ANK2: variants seen among roughly 807,000 people sequenced by gnomAD.
ANK2 encodes the protein ankyrin-2.
ANK2 carries 83 observed loss-of-function variants against 360.5 expected under a neutral mutation model. The observed-to-expected ratio is 0.23, with a 90% CI of 0.19 to 0.28. The LOEUF (loss-of-function observed/expected upper bound fraction) is 0.28. ANK2 is among the 10% of genes least tolerant of loss of function. ANK2 has a pLI of 1.00. For missense variants in ANK2, 4,201 were observed against 4,795.7 expected (o/e 0.88, Z 3.66); for synonymous variants, 1,740 against 1,759.5 (o/e 0.99, Z 0.28).
At chr4:113,307,252 A>G (rs2077622100) in intron 23 of ANK2, among the ~76,000 whole-genome samples, 1 of 152,130 alleles carries the variant, frequency 6.6e-6, no homozygotes, top group African/African-American at 2.4e-5. Context: ...TTCTGTTGTG[A>G]ACACTTAACA....
chr4:113,284,394 A>T (rs2153720261), intron 18 of ANK2, among the ~76,000 whole-genome samples: 1 of 152,344 alleles, frequency 6.6e-6, no homozygotes, highest in Non-Finnish European at 1.5e-5. Flanking sequence ...TCCATAAACA[A>T]TTCAGCAGTA....
the ANK2 span, among the ~76,000 whole-genome samples, chr4:112,803,455 A>G: frequency 6.6e-6 from 1 of 152,020 alleles, no homozygotes; most frequent in South Asian, 2.1e-4. Context: ...GTGATTTGAA[A>G]ATGGAAGCCT....
the ANK2 span, among the ~76,000 whole-genome samples, chr4:112,764,091 C>G: frequency 9.9e-5 from 15 of 151,884 alleles, no homozygotes; most frequent in African/African-American, 3.6e-4. Context: ...TGCAGGGGCC[C>G]GCCACCATGC....
chr4:113,151,546 T>C (rs900580170), intron 1 of ANK2, among the ~76,000 whole-genome samples: 3 of 152,158 alleles, frequency 2.0e-5, no homozygotes, highest in Non-Finnish European at 4.4e-5. Context: ...AAGCCATTCA[T>C]GAGGGTCCAC....
chr4:113,168,564 T>G (rs1213797505), intron 1 of ANK2, among the ~76,000 whole-genome samples: 1 of 152,194 alleles, frequency 6.6e-6, no homozygotes, highest in Non-Finnish European at 1.5e-5. Context: ...ACCATATATG[T>G]AGGTTAACCT....
chr4:112,999,030 A>G (rs962790979), intron 2 of ANK2, among the ~76,000 whole-genome samples: 1 of 152,220 alleles, frequency 6.6e-6, no homozygotes, highest in African/African-American at 2.4e-5. Flanking sequence ...ATACTTGTAT[A>G]TGGATAATGT....
intron 15 of ANK2, among the ~76,000 whole-genome samples, chr4:113,276,711 C>T (rs547728290): frequency 6.6e-6 from 1 of 152,038 alleles, no homozygotes; most frequent in Non-Finnish European, 1.5e-5. Flanking sequence ...TTATTAATAC[C>T]AAATGTTCAA....
the ANK2 span, among the ~76,000 whole-genome samples, chr4:112,713,611 GT>G: frequency 6.6e-6 from 1 of 152,058 alleles, no homozygotes; most frequent in African/African-American, 2.4e-5. Context: ...TGTGAAGCAT[GT>G]TTTTATTTCT....
Position 113,166,078 on chromosome 4 carries a change from T to C in ANK2, c.85-8338T>C, listed in dbSNP as rs78736141. Among the ~76,000 whole-genome samples, 302 of 152,266 alleles carry C rather than the reference T, an allele frequency of 2.0e-3. 3 individuals are homozygous for C. Among genetic ancestry groups the C allele is most frequent in the Middle Eastern group, 6.8e-3 (2 of 294 alleles). On this transcript the variant is annotated intron_variant, in intron 1 of 45. Transcript: ENST00000357077. ...GTAGGCATTTCAGAGTTATCATGCC[T>C]GGAGTACAAGTAATCAAAACCTATT...
intron 4 of ANK2, among the ~76,000 whole-genome samples, chr4:113,216,245 T>C (rs1194310697): frequency 6.6e-6 from 1 of 152,244 alleles, no homozygotes; most frequent in Non-Finnish European, 1.5e-5. Context: ...CCTGATTTTA[T>C]AGTCAAGAAC....
intron 1 of ANK2, among the ~76,000 whole-genome samples, chr4:113,122,439 T>C (rs1192651133): frequency 2.0e-5 from 3 of 152,198 alleles, no homozygotes; most frequent in Non-Finnish European, 2.9e-5. Flanking sequence ...CACTGTATAA[T>C]GTGTTACATT....
At chr4:112,851,342 G>A (rs982114677) in intron 1 of ANK2, among the ~76,000 whole-genome samples, 2 of 152,176 alleles carry the variant, frequency 1.3e-5, no homozygotes, top group East Asian at 1.9e-4. Context: ...TCAACCTCAC[G>A]TGGGGAGGGG....
intron 1 of ANK2, among the ~76,000 whole-genome samples, chr4:112,894,677 G>C (rs78029281): frequency 0.028 from 4,233 of 152,162 alleles, 187 homozygotes; most frequent in African/African-American, 0.093. Flanking sequence ...TTTTTATTGG[G>C]AGCATGGTGT....
intron 2 of ANK2, among the ~76,000 whole-genome samples, chr4:112,945,142 G>A (rs1364726107): frequency 6.6e-6 from 1 of 152,162 alleles, no homozygotes. Context: ...ATTTGAGGCA[G>A]AGCTTCCACC....
rs1400981019 is a variant in ANK2 at position 113,345,177 on chromosome 4, G to A, written c.4249-723G>A. 2.0e-5 allele frequency among the ~76,000 whole-genome samples: 3 copies of A among 152,140 alleles called. 1 individual carries two copies. The highest frequency in any genetic ancestry group is 4.8e-5 in the African/African-American group (2 of 41,430). On this transcript the variant is annotated intron_variant, in intron 34 of 45. Transcript: ENST00000357077. ...ATGAACTTGGAAAACATTACGCTGAGTAAAATAAGCCAGACACAAATACTA... is the reference window on the plus strand; with the variant it reads ...ATGAACTTGGAAAACATTACGCTGAATAAAATAAGCCAGACACAAATACTA...
intron 29 of ANK2, among the ~76,000 whole-genome samples, chr4:113,335,520 C>T (rs941209342): frequency 9.2e-5 from 14 of 152,256 alleles, no homozygotes; most frequent in African/African-American, 3.4e-4. Context: ...CATTTCATTC[C>T]ATATTTGCCC....
At chr4:113,019,330 T>C (rs1397456649) in intron 2 of ANK2, among the ~76,000 whole-genome samples, 2 of 152,240 alleles carry the variant, frequency 1.3e-5, no homozygotes, top group Non-Finnish European at 2.9e-5. Flanking sequence ...TTTTTTGTAC[T>C]TAAAGTTTGC....
At position 113,358,525 on chromosome 4, in the gene ANK2, A is replaced by G; in HGVS notation, c.9907A>G (p.Lys3303Glu). 1 of 1,614,114 alleles carries G rather than the reference A, an allele frequency of 6.2e-7. No individual in the cohort carries two copies. Among genetic ancestry groups the G allele is most frequent in the Non-Finnish European group, 8.5e-7 (1 of 1,179,968 alleles). The change falls in exon 38 of 46, where the codon AAA (lysine) becomes GAA (glutamate). Residue 3303 changes from lysine (K) to glutamate (E), a missense_variant. Transcript: ENST00000357077. ...TGTGCCTTTTACTGAAAGCAAATCCAAAATTCCTGTAAGGACTATGCCCAC... is the reference window on the plus strand; with the variant it reads ...TGTGCCTTTTACTGAAAGCAAATCCGAAATTCCTGTAAGGACTATGCCCAC... ...ENVPFTESKS[K>E]IPVRTMPTST...
At chr4:113,048,248 G>GTGTGTATA (rs1252407907), upstream of ANK2, among the ~76,000 whole-genome samples, 1 of 36,252 alleles carries the variant, frequency 2.8e-5, no homozygotes, top group East Asian at 9.7e-4. Flanking sequence ...CTACAAGTGT[G>GTGTGTATA]TATATATATA....
Sources: gnomAD v4.1 joint callset for allele counts (sites outside exome capture counted in the v4.1 genomes callset) on GRCh38, gnomAD v4.1.1 for gene constraint, MANE v1.5 for transcripts, NCBI Gene and HGNC (gene_info 2026-07-23, HGNC 2026-07-21) for gene names.